FAM83G: variants seen among roughly 807,000 people sequenced by gnomAD.
FAM83G encodes the protein protein FAM83G.
A neutral mutation model predicts 61.5 loss-of-function variants in FAM83G; 38 were observed. The ratio of observed to expected loss-of-function variants is 0.62; its 90% CI spans 0.48 to 0.81. The LOEUF (loss-of-function observed/expected upper bound fraction) is 0.81. FAM83G is among the 30% of genes least tolerant of loss of function. FAM83G has a pLI of 0.00. For missense variants in FAM83G, 989 were observed against 1,133.6 expected (o/e 0.87, Z 1.83); for synonymous variants, 470 against 476.1 (o/e 0.99, Z 0.17).
At position 18,978,687 on chromosome 17, in the gene FAM83G, CA is replaced by C; in HGVS notation, c.978del (p.Ile326MetfsTer51). 1 of 1,612,994 alleles carries C rather than the reference CA, an allele frequency of 6.2e-7. No individual in the cohort carries two copies. ...ACCAGGGGGACCACAGAGGGCAGCA[CA>C]ATAGGCTCCGGCTCCGGTTCCTTCT... ...PMEKEPEPEP[I>X]VLPSVVPLVP... is the part of the protein sequence containing the mutation. On this transcript the variant is annotated frameshift_variant, in exon 5 of 6. Transcript: ENST00000388995. LOFTEE classifies it high-confidence loss of function.
At position 19,000,645 on chromosome 17, in the gene FAM83G, C is replaced by G. The variant is rs2043707186; in HGVS notation, c.522+2875G>C. Among the ~76,000 whole-genome samples, 1 of 152,174 alleles carries G rather than the reference C, an allele frequency of 6.6e-6. No homozygotes were observed. ...CTGGGCTGTCCTGACTCAGCCCCAG[C>G]AGCCCCAGCCTAAAGCCCCCGGTGG... On this transcript the variant is annotated intron_variant, in intron 2 of 5. Coordinates refer to ENST00000388995, the MANE Select transcript of FAM83G (RefSeq NM_001039999.3). This position sits in a 1 kb window ranked among gnomAD's most constrained non-coding sequence, Gnocchi z 5.2.
chr17:18,978,633 C>T lies in FAM83G; in HGVS notation c.1033G>A (p.Val345Ile), dbSNP rs1382724902. 1.1e-5 allele frequency: 18 copies of T among 1,613,014 alleles called. No individual in the cohort carries two copies. The Admixed American group carries it at 1.7e-4, about 15-fold the overall frequency. Reference sequence around the variant, plus strand: ...TTGACAAGTGCGTACTTGGGGTTGACGAGCTTCTTGGCCACAGTGCCCGCG... The same window carrying T: ...TTGACAAGTGCGTACTTGGGGTTGATGAGCTTCTTGGCCACAGTGCCCGCG... ...VPAGTVAKKL[V>I]NPKYALVKAK... The change falls in exon 5 of 6, where the codon GTC becomes ATC. Residue 345 changes from valine (V) to isoleucine (I), a missense_variant. By Grantham distance (29) the Val-to-Ile change is conservative. Coordinates refer to ENST00000388995, the MANE Select transcript of FAM83G (RefSeq NM_001039999.3).
At chr17:18,973,741 A>C (rs1597838993) in intron 5 of FAM83G, among the ~76,000 whole-genome samples, 1 of 152,114 alleles carries the variant, frequency 6.6e-6, no homozygotes, top group East Asian at 1.9e-4. Context: ...TCTGTTGCTC[A>C]GGCTGGAGTG....
intron 2 of FAM83G, among the ~76,000 whole-genome samples, chr17:18,994,982 A>T (rs999457358): frequency 1.3e-5 from 2 of 152,238 alleles, no homozygotes; most frequent in African/African-American, 4.8e-5. Flanking sequence ...ATAAAGCTTG[A>T]CAGGAAGCCA....
At chr17:18,976,977 G>T in intron 5 of FAM83G, 1 of 1,612,684 alleles carries the variant, frequency 6.2e-7, no homozygotes, top group Non-Finnish European at 8.5e-7. Flanking sequence ...GATCAGCCGC[G>T]CATTGTTCCC....
intron 4 of FAM83G, chr17:18,979,244 G>A (rs1446236572): frequency 2.1e-6 from 1 of 479,236 alleles, no homozygotes; most frequent in African/African-American, 1.9e-5. Context: ...GGTGCCCACA[G>A]AGCTGGCCCC....
chr17:18,971,669 C>G lies in FAM83G; in HGVS notation c.2162G>C (p.Arg721Pro). 1 of 1,612,754 alleles carries G rather than the reference C, an allele frequency of 6.2e-7. No individual in the cohort carries two copies. Among genetic ancestry groups the G allele is most frequent in the South Asian group, 1.1e-5 (1 of 91,024 alleles). ...GCTCTGGACGCTGTCAGCAGCAGAG[C>G]GGTACCTAGGGGGTCCTGGGAAGCC... ...KDGFPGPPRYRSAADSVQSST... is the reference protein window; with the variant it reads ...KDGFPGPPRYPSAADSVQSST... Residue 721 changes from arginine to proline, a missense_variant, in exon 6 of 6, where the codon CGC (arginine) becomes CCC (proline). By Grantham distance (103) the Arg-to-Pro change is moderately radical. Coordinates refer to ENST00000388995, the MANE Select transcript of FAM83G (RefSeq NM_001039999.3). The surrounding 1 kb of genome is among the most constrained non-coding windows in gnomAD (Gnocchi z 5.5).
chr17:18,994,204 T>TA (rs1410833498), intron 2 of FAM83G, among the ~76,000 whole-genome samples: 1 of 152,084 alleles, frequency 6.6e-6, no homozygotes, highest in Non-Finnish European at 1.5e-5. Context: ...GCCTTAGCAA[T>TA]AAAAAACCCG....
chr17:18,970,848 C>A lies in FAM83G; in HGVS notation c.*511G>T, dbSNP rs1473126190. ...TTCAAATACACCTTAAAAAAAAAAA[C>A]AACCCTCTACCCTCACACCTTTCCA... On this transcript the variant is annotated 3_prime_UTR_variant, in exon 6 of 6. Transcript: ENST00000388995. 36 of 590,120 alleles carry A rather than the reference C, an allele frequency of 6.1e-5. No individual in the cohort carries two copies. Among genetic ancestry groups the A allele is most frequent in the South Asian group, 1.3e-4 (6 of 45,286 alleles). 36.6% of individuals were successfully genotyped at this position (590,120 alleles called of 1,614,324 possible). A position where few individuals can be genotyped will look rare whatever the true frequency, so the allele number is the denominator to read the frequency against.
At chr17:18,993,896 A>G (rs1379725407) in intron 2 of FAM83G, among the ~76,000 whole-genome samples, 3 of 152,236 alleles carry the variant, frequency 2.0e-5, no homozygotes, top group Non-Finnish European at 4.4e-5. Context: ...GGAAATTAAA[A>G]TGAATTCATG....
intron 2 of FAM83G, 64 bp from the exon 3 acceptor site, chr17:18,988,478 G>C: frequency 1.3e-6 from 2 of 1,588,602 alleles, no homozygotes; most frequent in Admixed American, 3.4e-5. Context: ...GGGTGCCCTG[G>C]CAGAGCGCAC....
intron 2 of FAM83G, among the ~76,000 whole-genome samples, chr17:18,991,067 C>T (rs1251843434): frequency 1.3e-5 from 2 of 152,148 alleles, no homozygotes; most frequent in African/African-American, 4.8e-5. Flanking sequence ...CACAAGCACA[C>T]CGGGAGGCAG....
rs748421854 is a variant in FAM83G, at chr17:18,978,086, A to G, written c.1580T>C (p.Leu527Pro). 5 of 1,516,732 alleles carry G rather than the reference A, an allele frequency of 3.3e-6. No homozygotes were observed. The highest frequency in any genetic ancestry group is 4.4e-6 in the Non-Finnish European group (5 of 1,135,864). 94.0% of individuals were successfully genotyped at this position (1,516,732 alleles called of 1,614,324 possible). The change falls in exon 5 of 6, where the codon CTG becomes CCG. Residue 527 changes from leucine to proline, a missense_variant. This residue lies in a region of FAM83G where 574 missense variants were observed against 645.1 expected (regional missense o/e 0.89). Coordinates refer to ENST00000388995, the MANE Select transcript of FAM83G (RefSeq NM_001039999.3). ...ARDSSDIGWV[L>P]ELPKEEAPQN... is the part of the protein sequence containing the mutation. ...GGGAGCTTCCTCTTTGGGGAGCTCC[A>G]GGACCCAGCCAATATCACTGCTGTC... is the stretch of plus-strand genomic sequence containing the variant.
At chr17:18,980,278 A>G (rs1484562352) in intron 3 of FAM83G, among the ~76,000 whole-genome samples, 2 of 152,032 alleles carry the variant, frequency 1.3e-5, no homozygotes, top group Non-Finnish European at 2.9e-5. Flanking sequence ...CTCCTTCCCC[A>G]TGGCCAGGAC....
In FAM83G at chr17:19,003,906, A is replaced by C; in HGVS notation, c.136T>G (p.Phe46Val). Residue 46 changes from phenylalanine to valine, a missense_variant, in exon 2 of 6, where the codon TTC (phenylalanine) becomes GTC (valine). Phe to Val is a conservative substitution (Grantham distance 50). This residue lies in a region of FAM83G where 371 missense variants were observed against 404.5 expected (regional missense o/e 0.92). Transcript: ENST00000388995. This position sits in a 1 kb window ranked among gnomAD's most constrained non-coding sequence, Gnocchi z 4.5. ...EALVARGRDAFYEVLKRENIR... is the reference protein window; with the variant it reads ...EALVARGRDAVYEVLKRENIR... The stretch of plus-strand genomic sequence containing the variant: ...TTCTCCCGCTTGAGCACCTCGTAGA[A>C]GGCGTCCCGGCCGCGGGCCACCAGG... 1 of 1,612,916 alleles carries C rather than the reference A, an allele frequency of 6.2e-7. No homozygotes were observed. Among genetic ancestry groups the C allele is most frequent in the Non-Finnish European group, 8.5e-7 (1 of 1,179,904 alleles).
At position 18,978,103 on chromosome 17, in the gene FAM83G, A is replaced by ACTG; in HGVS notation, c.1560_1562dup (p.Ser521dup). The ACTG allele has an allele frequency of 6.6e-7, 1 of 1,515,700 alleles. No individual in the cohort carries two copies. Among genetic ancestry groups the ACTG allele is most frequent in the Non-Finnish European group, 8.8e-7 (1 of 1,135,978 alleles). 93.9% of individuals were successfully genotyped at this position (1,515,700 alleles called of 1,614,324 possible). On this transcript the variant is annotated inframe_insertion, in exon 5 of 6. Coordinates refer to ENST00000388995, the MANE Select transcript of FAM83G (RefSeq NM_001039999.3). ...GGAGCTCCAGGACCCAGCCAATATC[A>ACTG]CTGCTGTCCCGGGCTAGTACATCTG...
Position 19,003,221 on chromosome 17 carries a change from C to T in FAM83G, c.522+299G>A, listed in dbSNP as rs143990275. Among the ~76,000 whole-genome samples the T allele has an allele frequency of 1.2e-4, 18 of 151,166 alleles. No homozygotes were observed. Among genetic ancestry groups the T allele is most frequent in the African/African-American group, 3.6e-4 (15 of 41,232 alleles). On this transcript the variant is annotated intron_variant, in intron 2 of 5. Coordinates refer to ENST00000388995, the MANE Select transcript of FAM83G (RefSeq NM_001039999.3). The surrounding 1 kb of genome is among the most constrained non-coding windows in gnomAD (Gnocchi z 4.5). ...CCTGGGGTTCCTCCCCTCCCCACTCCACCCTATCTCGGTGCCTTCTTCTGG... is the reference window on the plus strand; with the variant it reads ...CCTGGGGTTCCTCCCCTCCCCACTCTACCCTATCTCGGTGCCTTCTTCTGG...
At position 19,004,252 on chromosome 17, in the gene FAM83G, C is replaced by G. The variant is rs2043818802; in HGVS notation, c.-128-83G>C. On this transcript the variant is annotated intron_variant, in intron 1 of 5. Transcript: ENST00000388995. The surrounding 1 kb of genome is among the most constrained non-coding windows in gnomAD (Gnocchi z 5.4). ...GGCGGCGGGGGCGGGGCCGGGAACTCAGGTGGGCGTGGGAAGGACGGGGCT... is the reference window on the plus strand; with the variant it reads ...GGCGGCGGGGGCGGGGCCGGGAACTGAGGTGGGCGTGGGAAGGACGGGGCT... 1.9e-6 allele frequency: 1 copy of G among 523,972 alleles called. No individual in the cohort carries two copies. Among genetic ancestry groups the G allele is most frequent in the Non-Finnish European group, 3.3e-6 (1 of 299,890 alleles). The allele number at this position is 523,972 out of a possible 1,614,324, so 32.5% of individuals were successfully genotyped here. A position where few individuals can be genotyped will look rare whatever the true frequency, so the allele number is the denominator to read the frequency against.
rs1567791186 is a variant in FAM83G, at chr17:18,978,595, G to A, written c.1071C>T (p.Val357=). The A allele has an allele frequency of 3.1e-6, 5 of 1,613,172 alleles. No homozygotes were observed. In the South Asian group the frequency reaches 3.3e-5, roughly 11 times the overall value. The change falls in exon 5 of 6, where the codon GTC becomes GTT. Residue 357 remains valine, a synonymous_variant. Coordinates refer to ENST00000388995, the MANE Select transcript of FAM83G (RefSeq NM_001039999.3). ...CAGAGGAGATCTTGGCAATCTCGTC[G>A]ACGCTCTTGGCCTTGACAAGTGCGT... ...PKYALVKAKS[V]DEIAKISSEK... is the part of the protein sequence containing the mutation.
Sources: gnomAD v4.1 joint callset for allele counts (sites outside exome capture counted in the v4.1 genomes callset) on GRCh38, gnomAD v4.1.1 for gene constraint, gnomAD v4.1.1 regional missense constraint, Gnocchi (gnomAD v3.1) non-coding constraint, MANE v1.5 for transcripts, NCBI Gene and HGNC (gene_info 2026-07-23, HGNC 2026-07-21) for gene names.